The following CHKA variants were observed in gnomAD, a reference collection of about 807,000 sequenced individuals.
The protein encoded by CHKA is choline kinase alpha, also known as CHETK-alpha.
Under a neutral mutation model 60.1 loss-of-function variants are expected in CHKA, and 34 were observed. The observed-to-expected ratio is 0.57, with a 90% CI of 0.43 to 0.75. The LOEUF is 0.75. Among genes scored for constraint, CHKA ranks in the 30% least tolerant of loss-of-function variants. The pLI is 0.00. For synonymous variants in CHKA, 217 were observed against 223.1 expected (o/e 0.97, Z 0.24); for missense variants, 563 against 561.3 (o/e 1.00, Z -0.03).
intron 11 of CHKA, 38 bp downstream of exon 11, chr11:68,061,915 G>C (rs767293195): frequency 2.2e-6 from 3 of 1,361,880 alleles, no homozygotes. Context: ...CCTGGGAGTA[G>C]GAAGAAAAAA....
chr11:68,102,572 A>C (rs1319543343), intron 1 of CHKA, among the ~76,000 whole-genome samples: 1 of 152,212 alleles, frequency 6.6e-6, no homozygotes, highest in Non-Finnish European at 1.5e-5. Flanking sequence ...CGAAAACTTA[A>C]AGTAAGACCT....
chr11:68,087,003 T>C (rs1188968870), intron 2 of CHKA, among the ~76,000 whole-genome samples: 1 of 151,918 alleles, frequency 6.6e-6, no homozygotes, highest in Non-Finnish European at 1.5e-5. Flanking sequence ...AAAAATGTCA[T>C]TTAAAACATC....
intron 2 of CHKA, among the ~76,000 whole-genome samples, chr11:68,094,207 C>T (rs988338028): frequency 2.0e-5 from 3 of 152,166 alleles, no homozygotes; most frequent in Non-Finnish European, 2.9e-5. Context: ...GGGACTTAAT[C>T]GTTGCAGAAC....
chr11:68,079,003 G>A (rs915974951), intron 3 of CHKA, among the ~76,000 whole-genome samples: 5 of 151,242 alleles, frequency 3.3e-5, no homozygotes, highest in African/African-American at 9.7e-5. Flanking sequence ...GCAAGATCTC[G>A]GCTCACTGAA....
Position 68,066,451 on chromosome 11 carries a change from C to T in CHKA, c.994G>A (p.Glu332Lys), listed in dbSNP as rs750049988. ...TACCTGTAATTGTAACTGCTGTATT[C>T]GAAATCAATGAGCATCAGTTTCTGT... is the stretch of plus-strand genomic sequence containing the variant. ...EKQKLMLIDFEYSSYNYRGFD... is the reference protein window; with the variant it reads ...EKQKLMLIDFKYSSYNYRGFD... The change falls in exon 8 of 12, where the codon GAA (glutamate) becomes AAA (lysine). Residue 332 changes from glutamate (E) to lysine (K), a missense_variant. Coordinates refer to ENST00000265689, the MANE Select transcript of CHKA (RefSeq NM_001277.3). 2 of 1,613,770 alleles carry T rather than the reference C, an allele frequency of 1.2e-6. No individual in the cohort carries two copies. The highest frequency in any genetic ancestry group is 8.5e-7 in the Non-Finnish European group (1 of 1,179,654).
chr11:68,053,998 A>G lies in CHKA; in HGVS notation c.1364T>C (p.Leu455Pro). Reference sequence around the variant, plus strand: ...GAGTCCTCCCCACAGTCACACCCCAAGCTTCCTCTTCTGGTGGAAATAGGC... The same window carrying G: ...GAGTCCTCCCCACAGTCACACCCCAGGCTTCCTCTTCTGGTGGAAATAGGC... ...FDAYFHQKRK[L>P]GV Residue 455 changes from leucine (L) to proline (P), a missense_variant, in exon 12 of 12, where the codon CTT becomes CCT. Transcript: ENST00000265689. 1 of 1,613,690 alleles carries G rather than the reference A, an allele frequency of 6.2e-7. No homozygotes were observed. Among genetic ancestry groups the G allele is most frequent in the Non-Finnish European group, 8.5e-7 (1 of 1,179,872 alleles).
In CHKA at chr11:68,065,858, C is replaced by T. The variant is rs1565174333; in HGVS notation, c.1053G>A (p.Met351Ile). 6.2e-7 allele frequency: 1 copy of T among 1,605,020 alleles called. No individual in the cohort carries two copies. The highest frequency in any genetic ancestry group is 1.3e-5 in the African/African-American group (1 of 74,904). Residue 351 changes from methionine to isoleucine, a missense_variant, in exon 9 of 12, where the codon ATG (methionine) becomes ATA (isoleucine). Physicochemically the swap from Met to Ile is conservative, Grantham distance 10. Transcript: ENST00000265689. Reference protein sequence around the residue: ...FDIGNHFCEWMYDYSYEKYPF... With the variant: ...FDIGNHFCEWIYDYSYEKYPF... ...GGTATTTTTCATAGCTATAATCATA[C>T]ATCCACTCACAGAAGTGATTTCCAA...
At chr11:68,092,001 T>G (rs944409642) in intron 2 of CHKA, among the ~76,000 whole-genome samples, 1 of 152,156 alleles carries the variant, frequency 6.6e-6, no homozygotes, top group Admixed American at 6.6e-5. Flanking sequence ...AGACTTCAAT[T>G]AACATTTTTC....
At position 68,068,727 on chromosome 11, in the gene CHKA, A is replaced by G. The variant is rs75435656; in HGVS notation, c.928+152T>C. 1,312 of 564,814 alleles carry G rather than the reference A, an allele frequency of 2.3e-3. 13 individuals carry two copies. The highest frequency in any genetic ancestry group is 0.022 in the African/African-American group (1,168 of 53,240). 35.0% of individuals were successfully genotyped at this position (564,814 alleles called of 1,614,324 possible). On this transcript the variant is annotated intron_variant, in intron 7 of 11. Transcript: ENST00000265689. ...GACATTGTGACTGGCCTCATACTCTATAAAAATAATACAAAACCTCATTGT... is the reference window on the plus strand; with the variant it reads ...GACATTGTGACTGGCCTCATACTCTGTAAAAATAATACAAAACCTCATTGT...
chr11:68,110,327 A>G (rs2153030177), intron 1 of CHKA, among the ~76,000 whole-genome samples: 1 of 152,344 alleles, frequency 6.6e-6, no homozygotes, highest in East Asian at 1.9e-4. Flanking sequence ...AACTTTGTAG[A>G]TGATATGATT....
At chr11:68,063,837 C>T (rs140147000) in intron 10 of CHKA, among the ~76,000 whole-genome samples, 73 of 152,256 alleles carry the variant, frequency 4.8e-4, no homozygotes, top group Non-Finnish European at 9.0e-4. Context: ...TCTCTCCTGG[C>T]GCCATGTAAG....
chr11:68,065,958 T>C, intron 8 of CHKA, 64 bp from the exon 9 acceptor site: 1 of 1,188,886 alleles, frequency 8.4e-7, no homozygotes, highest in East Asian at 2.4e-5. Context: ...GCTCCCTGAC[T>C]GCAGAAGAAA....
Position 68,058,161 on chromosome 11 carries a change from G to GA in CHKA, c.1314+3791dup, listed in dbSNP as rs1363368310. On this transcript the variant is annotated intron_variant, in intron 11 of 11. Coordinates refer to ENST00000265689, the MANE Select transcript of CHKA (RefSeq NM_001277.3). Reference sequence around the variant, plus strand: ...CCTGCCTCAGCCTCCCAAAGTGCTGGATGACTGGCTTGAGCCACCACACCT... The same window carrying GA: ...CCTGCCTCAGCCTCCCAAAGTGCTGGAATGACTGGCTTGAGCCACCACACCT... Among the ~76,000 whole-genome samples the GA allele has an allele frequency of 4.6e-5, 7 of 152,340 alleles. No homozygotes were observed. The East Asian group carries it at 1.3e-3, about 29-fold the overall frequency.
At chr11:68,107,817 C>T (rs1024671492) in intron 1 of CHKA, among the ~76,000 whole-genome samples, 1 of 152,170 alleles carries the variant, frequency 6.6e-6, no homozygotes. Flanking sequence ...AGTACTCCCT[C>T]CCACTTTCTC....
chr11:68,117,516 C>T (rs959508435), intron 1 of CHKA, among the ~76,000 whole-genome samples: 6 of 152,038 alleles, frequency 3.9e-5, no homozygotes, highest in African/African-American at 1.4e-4. Flanking sequence ...TGGTGAAACC[C>T]TATCTCTACC....
rs1856425320 is a variant in CHKA, at chr11:68,065,867, A to C, written c.1044T>G (p.Cys348Trp). 1.2e-6 allele frequency: 2 copies of C among 1,602,870 alleles called. No homozygotes were observed. Among genetic ancestry groups the C allele is most frequent in the Non-Finnish European group, 1.7e-6 (2 of 1,170,936 alleles). ...CATAGCTATAATCATACATCCACTC[A>C]CAGAAGTGATTTCCAATGTCGAATC... is the stretch of plus-strand genomic sequence containing the variant. The part of the protein sequence containing the change: ...YRGFDIGNHF[C>W]EWMYDYSYEK... Residue 348 changes from cysteine to tryptophan, a missense_variant, in exon 9 of 12, where the codon TGT becomes TGG. Physicochemically the swap from Cys to Trp is radical, Grantham distance 215. Coordinates refer to ENST00000265689, the MANE Select transcript of CHKA (RefSeq NM_001277.3).
chr11:68,106,270 A>G (rs7950397), intron 1 of CHKA, among the ~76,000 whole-genome samples: 12 of 152,238 alleles, frequency 7.9e-5, no homozygotes, highest in Non-Finnish European at 1.6e-4. Flanking sequence ...GGCTAGGCCA[A>G]GCACAGTGGC....
At chr11:68,063,250 G>C (rs762865420) in intron 10 of CHKA, among the ~76,000 whole-genome samples, 5 of 152,154 alleles carry the variant, frequency 3.3e-5, no homozygotes, top group Non-Finnish European at 7.3e-5. Context: ...TGTAATCCTA[G>C]CACTTTGGGG....
At chr11:68,120,256 T>G (rs1590892805) in intron 1 of CHKA, among the ~76,000 whole-genome samples, 1 of 150,554 alleles carries the variant, frequency 6.6e-6, no homozygotes. Flanking sequence ...GGAAAAAACA[T>G]TTCTACCTTA....
Sources: gnomAD v4.1 joint callset for allele counts (sites outside exome capture counted in the v4.1 genomes callset) on GRCh38, gnomAD v4.1.1 for gene constraint, MANE v1.5 for transcripts, NCBI Gene and HGNC (gene_info 2026-07-23, HGNC 2026-07-21) for gene names.